Variants in PLA2G3 observed in about 807,000 individuals in gnomAD.
The protein encoded by PLA2G3 is group 3 secretory phospholipase A2.
Under a neutral mutation model 51.3 loss-of-function variants are expected in PLA2G3, and 39 were observed. The ratio of observed to expected loss-of-function variants is 0.76; its 90% CI spans 0.59 to 0.99. The LOEUF is 0.99. Among genes scored for constraint, PLA2G3 ranks in the 50% least tolerant of loss-of-function variants. The probability of loss-of-function intolerance (pLI) is 0.00; values close to 1 mark genes in which losing one functional copy is unlikely to be tolerated. For missense variants in PLA2G3, 677 were observed against 662.1 expected (o/e 1.02, Z -0.25); for synonymous variants, 293 against 263.1 (o/e 1.11, Z -1.10).
In PLA2G3 at chr22:31,140,054, C is replaced by A; in HGVS notation, c.301G>T (p.Gly101Ter). Residue 101 changes from glycine (G) to a stop codon, truncating the protein, a stop_gained, in exon 1 of 7, where the codon GGA (glycine) becomes TGA (stop). Transcript: ENST00000215885. LOFTEE classifies it high-confidence loss of function. ...GCCAGTGCTCTCTGCAGCTCGGGTCCGGGGGTGTGGATGAAGGAGCCCCAG... is the reference window on the plus strand; with the variant it reads ...GCCAGTGCTCTCTGCAGCTCGGGTCAGGGGGTGTGGATGAAGGAGCCCCAG... ...TAWGSFIHTP[G>*]PELQRALATL... The A allele has an allele frequency of 1.2e-6, 2 of 1,613,590 alleles. No individual in the cohort carries two copies. Among genetic ancestry groups the A allele is most frequent in the South Asian group, 1.1e-5 (1 of 91,074 alleles).
In PLA2G3 at chr22:31,136,995, C is replaced by A; in HGVS notation, c.1112G>T (p.Cys371Phe). ...TTCCCGGGGCCCAATCTGGTGCTCA[C>A]ACTGGTCCAGGTGGCGGCGGAAGCT... is the stretch of plus-strand genomic sequence containing the variant. ...CRSFRRHLDQ[C>F]EHQIGPREIE... The change falls in exon 5 of 7, where the codon TGT becomes TTT. Residue 371 changes from cysteine to phenylalanine, a missense_variant. Coordinates refer to ENST00000215885, the MANE Select transcript of PLA2G3 (RefSeq NM_015715.5). The A allele has an allele frequency of 6.4e-7, 1 of 1,565,586 alleles. No homozygotes were observed. Among genetic ancestry groups the A allele is most frequent in the Non-Finnish European group, 8.7e-7 (1 of 1,155,556 alleles).
Position 31,135,767 on chromosome 22 carries a change from C to T in PLA2G3, c.1486G>A (p.Ala496Thr). Reference protein sequence around the residue: ...FYNQCLQLTQAARRPDRQQKS... With the variant: ...FYNQCLQLTQTARRPDRQQKS... ...TGCTGCCTGTCGGGTCTCCTGGCTGCCTGGGTTAGCTGCAGGCACTGGTTG... is the reference window on the plus strand; with the variant it reads ...TGCTGCCTGTCGGGTCTCCTGGCTGTCTGGGTTAGCTGCAGGCACTGGTTG... The change falls in exon 7 of 7, where the codon GCA becomes ACA. Residue 496 changes from alanine to threonine, a missense_variant. Transcript: ENST00000215885. 4 of 1,614,024 alleles carry T rather than the reference C, an allele frequency of 2.5e-6. No individual in the cohort carries two copies. Among genetic ancestry groups the T allele is most frequent in the Non-Finnish European group, 3.4e-6 (4 of 1,180,026 alleles).
rs780001258 is a variant in PLA2G3 at position 31,139,906 on chromosome 22, CCT to C, written c.447_448del (p.Gly150MetfsTer28). ...CCACAGTGTGCCAGGCATGGTCCAT[CCT>C]CTCTTCTCTCGCTGGTGCCCTCCAC... is the stretch of plus-strand genomic sequence containing the variant. On this transcript the variant is annotated frameshift_variant, in exon 1 of 7. Coordinates refer to ENST00000215885, the MANE Select transcript of PLA2G3 (RefSeq NM_015715.5). LOFTEE classifies it high-confidence loss of function. 1 of 1,614,008 alleles carries C rather than the reference CCT, an allele frequency of 6.2e-7. No individual in the cohort carries two copies. The highest frequency in any genetic ancestry group is 1.1e-5 in the South Asian group (1 of 91,076).
Position 31,140,337 on chromosome 22 carries a change from C to T in PLA2G3, c.18G>A (p.Gly6=). 1.2e-6 allele frequency: 2 copies of T among 1,601,464 alleles called. No homozygotes were observed. Among genetic ancestry groups the T allele is most frequent in the Non-Finnish European group, 8.5e-7 (1 of 1,177,028 alleles). The change falls in exon 1 of 7, where the codon GGG becomes GGA. Residue 6 remains glycine, a synonymous_variant. Coordinates refer to ENST00000215885, the MANE Select transcript of PLA2G3 (RefSeq NM_015715.5). ...CCAGGAAGCCCAGCATCCCAAACAG[C>T]CCTGCCTGAACCCCCATTCTGCACT... MGVQA[G]LFGMLGFLGV...
In PLA2G3 at chr22:31,140,496, G is replaced by T; in HGVS notation, c.-142C>A. On this transcript the variant is annotated 5_prime_UTR_variant, in exon 1 of 7. Coordinates refer to ENST00000215885, the MANE Select transcript of PLA2G3 (RefSeq NM_015715.5). Reference sequence around the variant, plus strand: ...GGACCAATGAATGGAGCTGCGGGAGGAGGAGGAAAGAGGCTGGAGTATGGG... The same window carrying T: ...GGACCAATGAATGGAGCTGCGGGAGTAGGAGGAAAGAGGCTGGAGTATGGG... The T allele has an allele frequency of 1.2e-6, 1 of 863,458 alleles. No homozygotes were observed. Among genetic ancestry groups the T allele is most frequent in the Non-Finnish European group, 1.7e-6 (1 of 573,072 alleles). The allele number at this position is 863,458 out of a possible 1,614,324, so 53.5% of individuals were successfully genotyped here. A position where few individuals can be genotyped will look rare whatever the true frequency, so the allele number is the denominator to read the frequency against.
At chr22:31,138,467 CA>C in intron 2 of PLA2G3, 57 bp from the exon 3 acceptor site, 1 of 1,592,828 alleles carries the variant, frequency 6.3e-7, no homozygotes, top group East Asian at 2.2e-5. Context: ...TGGCTCCTCC[CA>C]CAGCCCACTG....
chr22:31,136,882 C>A, intron 5 of PLA2G3, 26 bp downstream of exon 5: 1 of 1,606,656 alleles, frequency 6.2e-7, no homozygotes. Flanking sequence ...GGCAGCCCAC[C>A]CCGCGAGGGT....
At position 31,136,739 on chromosome 22, in the gene PLA2G3, C is replaced by T. The variant is rs761551653; in HGVS notation, c.1260G>A (p.Leu420=). Reference sequence around the variant, plus strand: ...CCAGCTTGAAGCAGGTTGTGCCCAGCAGCTCCCAAAGCATGTTGGTAACCT... The same window carrying T: ...CCAGCTTGAAGCAGGTTGTGCCCAGTAGCTCCCAAAGCATGTTGGTAACCT... ...PPEVTNMLWE[L]LGTTCFKLAP... The change falls in exon 6 of 7, where the codon CTG becomes CTA. Residue 420 remains leucine, a synonymous_variant. Transcript: ENST00000215885. 40 of 1,613,228 alleles carry T rather than the reference C, an allele frequency of 2.5e-5. No homozygotes were observed. Among genetic ancestry groups the T allele is most frequent in the Non-Finnish European group, 3.4e-5 (40 of 1,179,738 alleles).
rs770952609 is a variant in PLA2G3 at position 31,137,734 on chromosome 22, G to A, written c.1042C>T (p.Pro348Ser). Residue 348 changes from proline (P) to serine (S), a missense_variant, in exon 4 of 7, where the codon CCA becomes TCA. Transcript: ENST00000215885. Reference sequence around the variant, plus strand: ...CCCTGAGGTTTTAGGCCACCCTGTGGGCCCTGGAGGCCTGTGGGGGCCACA... The same window carrying A: ...CCCTGAGGTTTTAGGCCACCCTGTGAGCCCTGGAGGCCTGTGGGGGCCACA... ...LDVAPTGLQGPQGGLKPQGAR... is the reference protein window; with the variant it reads ...LDVAPTGLQGSQGGLKPQGAR... The A allele has an allele frequency of 4.3e-6, 7 of 1,609,846 alleles. No individual in the cohort carries two copies. Among genetic ancestry groups the A allele is most frequent in the Middle Eastern group, 1.9e-4 (1 of 5,392 alleles).
At position 31,137,835 on chromosome 22, in the gene PLA2G3, T is replaced by G; in HGVS notation, c.941A>C (p.His314Pro). 2 of 1,614,024 alleles carry G rather than the reference T, an allele frequency of 1.2e-6. No homozygotes were observed. The highest frequency in any genetic ancestry group is 1.7e-6 in the Non-Finnish European group (2 of 1,179,998). ...QKQHLRKGPP[H>P]QKGSKRPSKA... The stretch of plus-strand genomic sequence containing the variant: ...GCTGGGGCGCTTGGACCCTTTCTGA[T>G]GTGGTGGCCCCTTCCGAAGGTGCTG... The change falls in exon 4 of 7, where the codon CAT becomes CCT. Residue 314 changes from histidine (H) to proline (P), a missense_variant. By Grantham distance (77) the His-to-Pro change is moderately conservative (BLOSUM62 -2). Coordinates refer to ENST00000215885, the MANE Select transcript of PLA2G3 (RefSeq NM_015715.5).
rs1480119628 is a variant in PLA2G3, at chr22:31,137,702, G to A, written c.1066+8C>T. 1 of 1,593,794 alleles carries A rather than the reference G, an allele frequency of 6.3e-7. No homozygotes were observed. Among genetic ancestry groups the A allele is most frequent in the Non-Finnish European group, 8.5e-7 (1 of 1,173,060 alleles). Reference sequence around the variant, plus strand: ...TCAGGAACCCCCAAGGTTAGGTTCTGAGCTCACCCTGAGGTTTTAGGCCAC... The same window carrying A: ...TCAGGAACCCCCAAGGTTAGGTTCTAAGCTCACCCTGAGGTTTTAGGCCAC... On this transcript the variant is annotated splice_region_variant and intron_variant, in intron 4 of 6. Transcript: ENST00000215885.
intron 4 of PLA2G3, 147 bp from the exon 5 acceptor site, chr22:31,137,187 T>G: frequency 1.1e-6 from 1 of 886,720 alleles, no homozygotes; most frequent in Non-Finnish European, 1.7e-6. Context: ...CTTTGTGCCC[T>G]CAGTGTGCCG....
At position 31,137,933 on chromosome 22, in the gene PLA2G3, G is replaced by A. The variant is rs1436312603; in HGVS notation, c.843C>T (p.Ala281=). ...ARLQPRTFYN[A]SWSSRATSPT... ...GGGAGGTGGCCCGGGAGCTCCAGGA[G>A]GCATTGTAGAAGGTCCTGGGCTGCA... Residue 281 remains alanine (A), a synonymous_variant, in exon 4 of 7, where the codon GCC becomes GCT. Transcript: ENST00000215885. 1.2e-6 allele frequency: 2 copies of A among 1,611,546 alleles called. No individual in the cohort carries two copies. The highest frequency in any genetic ancestry group is 1.7e-5 in the Admixed American group (1 of 59,796).
Position 31,137,901 on chromosome 22 carries a change from G to A in PLA2G3, c.875C>T (p.Pro292Leu), listed in dbSNP as rs1174662986. The A allele has an allele frequency of 1.9e-6, 3 of 1,613,562 alleles. No individual in the cohort carries two copies. Among genetic ancestry groups the A allele is most frequent in the East Asian group, 2.2e-5 (1 of 44,882 alleles). Reference sequence around the variant, plus strand: ...GGGAGGGGCTGGGCTCCGGGAGCTGGGAGTTGGGGAGGTGGCCCGGGAGCT... The same window carrying A: ...GGGAGGGGCTGGGCTCCGGGAGCTGAGAGTTGGGGAGGTGGCCCGGGAGCT... Reference protein sequence around the residue: ...SWSSRATSPTPSSRSPAPPKP... With the variant: ...SWSSRATSPTLSSRSPAPPKP... Residue 292 changes from proline (P) to leucine (L), a missense_variant, in exon 4 of 7, where the codon CCC becomes CTC. Transcript: ENST00000215885.
Position 31,137,918 on chromosome 22 carries a change from C to T in PLA2G3, c.858G>A (p.Arg286=). Residue 286 remains arginine, a synonymous_variant, in exon 4 of 7, where the codon CGG becomes CGA. Transcript: ENST00000215885. ...RTFYNASWSS[R]ATSPTPSSRS... is the part of the protein sequence containing the mutation. The stretch of plus-strand genomic sequence containing the variant: ...GGGAGCTGGGAGTTGGGGAGGTGGC[C>T]CGGGAGCTCCAGGAGGCATTGTAGA... 6.2e-7 allele frequency: 1 copy of T among 1,612,644 alleles called. No homozygotes were observed. Among genetic ancestry groups the T allele is most frequent in the Non-Finnish European group, 8.5e-7 (1 of 1,179,434 alleles).
intron 3 of PLA2G3, 102 bp from the exon 4 acceptor site, chr22:31,138,095 C>T: frequency 7.2e-7 from 1 of 1,383,880 alleles, no homozygotes; most frequent in Non-Finnish European, 9.7e-7. Flanking sequence ...GTCCCATCCC[C>T]CATCCCGCTG....
At chr22:31,138,189 C>T in intron 3 of PLA2G3, 87 bp downstream of exon 3, 2 of 1,497,666 alleles carry the variant, frequency 1.3e-6, no homozygotes, top group Non-Finnish European at 1.8e-6. Context: ...CCCTGGAAGA[C>T]AGACAGACAG....
intron 1 of PLA2G3, 27 bp downstream of exon 1, chr22:31,139,814 C>G: frequency 1.3e-6 from 2 of 1,564,396 alleles, no homozygotes; most frequent in African/African-American, 2.7e-5. Context: ...ATCGGACCCC[C>G]CAGCCCACAC....
chr22:31,136,313 A>G (rs1393077359), intron 6 of PLA2G3, among the ~76,000 whole-genome samples: 2 of 152,192 alleles, frequency 1.3e-5, no homozygotes, highest in Non-Finnish European at 2.9e-5. Flanking sequence ...TCAAGACCAA[A>G]TGAGATTGTG....
Sources: gnomAD v4.1 joint callset for allele counts (sites outside exome capture counted in the v4.1 genomes callset) on GRCh38, gnomAD v4.1.1 for gene constraint, MANE v1.5 for transcripts, NCBI Gene and HGNC (gene_info 2026-07-23, HGNC 2026-07-21) for gene names.